The following CPA4 variants were observed in gnomAD, a reference collection of about 807,000 sequenced individuals.
CPA4 encodes carboxypeptidase A4.
CPA4 carries 49 observed loss-of-function variants against 54.7 expected under a neutral mutation model. That is an observed-to-expected ratio of 0.90 (90% confidence interval 0.71 to 1.14). The LOEUF (loss-of-function observed/expected upper bound fraction) is 1.14, where lower values mean the gene tolerates loss of function less well. Among genes scored for constraint, CPA4 ranks in the 50% most tolerant of loss-of-function variants. CPA4 has a pLI of 0.00. For missense variants in CPA4, 487 were observed against 525.1 expected (o/e 0.93, Z 0.71); for synonymous variants, 215 against 206.8 (o/e 1.04, Z -0.34).
Position 130,300,913 on chromosome 7 carries a change from C to T in CPA4, c.383C>T (p.Ala128Val), listed in dbSNP as rs1584746314. The T allele has an allele frequency of 5.6e-6, 9 of 1,603,294 alleles. No homozygotes were observed. The East Asian group carries it at 2.0e-4, about 36-fold the overall frequency. The change falls in exon 4 of 11, where the codon GCT becomes GTT. Residue 128 changes from alanine to valine, a missense_variant and splice_region_variant. Physicochemically the swap from Ala to Val is moderately conservative, Grantham distance 64. Transcript: ENST00000222482. ...TACGGGGCTTACCATTCCCTGGAAG[C>T]TGTAAGTGTTTCAGAGTGGGTTAAG... Reference protein sequence around the residue: ...FNYGAYHSLEAIYHEMDNIAA... With the variant: ...FNYGAYHSLEVIYHEMDNIAA...
At chr7:130,320,404 G>A (rs1276330415) in intron 10 of CPA4, among the ~76,000 whole-genome samples, 2 of 152,118 alleles carry the variant, frequency 1.3e-5, no homozygotes, top group East Asian at 1.9e-4. Flanking sequence ...TGAAATACTT[G>A]CACTTGCCAT....
At chr7:130,318,493 C>A (rs933267767) in intron 10 of CPA4, among the ~76,000 whole-genome samples, 1 of 152,200 alleles carries the variant, frequency 6.6e-6, no homozygotes, top group African/African-American at 2.4e-5. Context: ...CTCATCACAA[C>A]TTCCGCCTCC....
At chr7:130,319,277 T>C (rs887284721) in intron 10 of CPA4, among the ~76,000 whole-genome samples, 1 of 152,250 alleles carries the variant, frequency 6.6e-6, no homozygotes, top group African/African-American at 2.4e-5. Context: ...CACAGTTTCA[T>C]GTACTTTTTG....
At chr7:130,301,944 G>C (rs1793744223) in intron 4 of CPA4, among the ~76,000 whole-genome samples, 1 of 152,138 alleles carries the variant, frequency 6.6e-6, no homozygotes, top group Non-Finnish European at 1.5e-5. Flanking sequence ...CATGAACATG[G>C]GGCCCTCGCC....
At chr7:130,297,924 C>A (rs193212158) in intron 1 of CPA4, among the ~76,000 whole-genome samples, 1 of 152,180 alleles carries the variant, frequency 6.6e-6, no homozygotes. Flanking sequence ...GGGCCACTAC[C>A]CCTGCCGCCG....
intron 1 of CPA4, among the ~76,000 whole-genome samples, chr7:130,297,998 G>C (rs1047729605): frequency 3.9e-5 from 6 of 152,206 alleles, no homozygotes; most frequent in African/African-American, 1.4e-4. Context: ...GACTGAGACT[G>C]GCCGGCCCCG....
chr7:130,294,191 G>C (rs1269517004), intron 1 of CPA4, among the ~76,000 whole-genome samples: 1 of 152,162 alleles, frequency 6.6e-6, no homozygotes, highest in East Asian at 1.9e-4. Flanking sequence ...CCACTTAGCT[G>C]GGAAGCAGGG....
chr7:130,304,647 A>T lies in CPA4; in HGVS notation c.486+68A>T, dbSNP rs1252987327. On this transcript the variant is annotated intron_variant, in intron 5 of 10. Transcript: ENST00000222482. Reference sequence around the variant, plus strand: ...CCCAGGACCCAGCCTCAGACCTCTGAAAAGGGTAGCTTTTTGAACTCCTTG... The same window carrying T: ...CCCAGGACCCAGCCTCAGACCTCTGTAAAGGGTAGCTTTTTGAACTCCTTG... The T allele has an allele frequency of 3.1e-6, 3 of 953,196 alleles. No homozygotes were observed. In the African/African-American group the frequency reaches 4.8e-5, roughly 15 times the overall value. The allele number at this position is 953,196 out of a possible 1,614,324, so 59.0% of individuals were successfully genotyped here. A position where few individuals can be genotyped will look rare whatever the true frequency, so the allele number is the denominator to read the frequency against.
At chr7:130,322,117 T>C (rs1205941897) in intron 10 of CPA4, among the ~76,000 whole-genome samples, 1 of 152,162 alleles carries the variant, frequency 6.6e-6, no homozygotes, top group African/African-American at 2.4e-5. Context: ...GTCAGCCCTA[T>C]TTAATGTAGG....
intron 3 of CPA4, among the ~76,000 whole-genome samples, chr7:130,300,460 C>A (rs938460301): frequency 6.6e-6 from 1 of 151,604 alleles, no homozygotes; most frequent in Non-Finnish European, 1.5e-5. Flanking sequence ...CTCAGCCTCC[C>A]AAGTAGCTGG....
chr7:130,306,833 A>T lies in CPA4; in HGVS notation c.638A>T (p.Glu213Val). The T allele has an allele frequency of 6.2e-7, 1 of 1,612,072 alleles. No individual in the cohort carries two copies. The highest frequency in any genetic ancestry group is 2.2e-5 in the East Asian group (1 of 44,870). ...GATCCAGCTATCACCTCCATCTTGGAGAAAATGGATATTTTCTTGTTGCCT... is the reference window on the plus strand; with the variant it reads ...GATCCAGCTATCACCTCCATCTTGGTGAAAATGGATATTTTCTTGTTGCCT... ...QRDPAITSIL[E>V]KMDIFLLPVA... The change falls in exon 7 of 11, where the codon GAG becomes GTG. Residue 213 changes from glutamate to valine, a missense_variant. Transcript: ENST00000222482.
intron 1 of CPA4, among the ~76,000 whole-genome samples, chr7:130,296,678 ACTT>A (rs1793653251): frequency 5.0e-5 from 2 of 40,058 alleles, no homozygotes; most frequent in African/African-American, 7.3e-5. Context: ...AGCTCCCCTC[ACTT>A]TTTTTTTTTT....
At chr7:130,319,129 C>T (rs1794042556) in intron 10 of CPA4, among the ~76,000 whole-genome samples, 1 of 152,192 alleles carries the variant, frequency 6.6e-6, no homozygotes, top group Non-Finnish European at 1.5e-5. Flanking sequence ...TGTCTCCTTT[C>T]TCCTGCCAGA....
rs191410475 is a variant in CPA4 at position 130,316,717 on chromosome 7, C to T, written c.1078+4595C>T. On this transcript the variant is annotated intron_variant, in intron 10 of 10. Coordinates refer to ENST00000222482, the MANE Select transcript of CPA4 (RefSeq NM_016352.4). The stretch of plus-strand genomic sequence containing the variant: ...CTTTGGGAGGCCGAGGCGGGTGGAT[C>T]ACCTGAGGTCAGGAGTTTGAGACCA... Among the ~76,000 whole-genome samples the T allele has an allele frequency of 2.0e-3, 307 of 152,108 alleles. 2 individuals carry two copies. The highest frequency in any genetic ancestry group is 3.0e-3 in the Non-Finnish European group (207 of 67,980).
chr7:130,300,333 A>ATTT (rs767924823), intron 3 of CPA4, among the ~76,000 whole-genome samples: 3 of 124,426 alleles, frequency 2.4e-5, no homozygotes, highest in Non-Finnish European at 3.4e-5. Flanking sequence ...CAAGAAGTAA[A>ATTT]TTTTTTTTTT....
chr7:130,308,493 T>C, intron 8 of CPA4, 96 bp downstream of exon 8: 1 of 917,072 alleles, frequency 1.1e-6, no homozygotes, highest in Non-Finnish European at 1.8e-6. Flanking sequence ...GCGTTTCCAC[T>C]TTGGTTCCGT....
At chr7:130,313,640 A>C (rs184176146) in intron 10 of CPA4, among the ~76,000 whole-genome samples, 216 of 152,206 alleles carry the variant, frequency 1.4e-3, no homozygotes, top group African/African-American at 5.0e-3. Context: ...CCAAGTATAG[A>C]GGTTACACCT....
At chr7:130,311,209 C>G (rs1192182051) in intron 9 of CPA4, among the ~76,000 whole-genome samples, 1 of 152,186 alleles carries the variant, frequency 6.6e-6, no homozygotes, top group African/African-American at 2.4e-5. Context: ...CAGAACCGTG[C>G]CTGCCCCGCC....
chr7:130,301,010 A>G (rs1446507635), intron 4 of CPA4, 96 bp downstream of exon 4: 3 of 775,260 alleles, frequency 3.9e-6, no homozygotes, highest in Non-Finnish European at 4.5e-6. Context: ...CTTCAGCACA[A>G]TATCCCCTCA....
Sources: gnomAD v4.1 joint callset for allele counts (sites outside exome capture counted in the v4.1 genomes callset) on GRCh38, gnomAD v4.1.1 for gene constraint, MANE v1.5 for transcripts, NCBI Gene and HGNC (gene_info 2026-07-23, HGNC 2026-07-21) for gene names.